PCCA: variants seen among roughly 807,000 people sequenced by gnomAD.
The protein encoded by PCCA is propionyl-CoA carboxylase subunit alpha.
In PCCA, 74 loss-of-function variants were observed where a neutral mutation model predicts 101.3. That is an observed-to-expected ratio of 0.73 (90% CI 0.61 to 0.89). The LOEUF is 0.89. Ranked by LOEUF, PCCA falls within the 40% of genes least tolerant of loss-of-function variation. The pLI is 0.00. For synonymous variants in PCCA, 294 were observed against 313.6 expected, an observed-to-expected ratio of 0.94 and a Z score of 0.66; for missense variants, 891 against 907.0, an observed-to-expected ratio of 0.98 and a Z score of 0.23.
At chr13:100,510,983 GT>G (rs1225510956) in intron 21 of PCCA, among the ~76,000 whole-genome samples, 1 of 152,222 alleles carries the variant, frequency 6.6e-6, no homozygotes, top group East Asian at 1.9e-4. Context: ...TCACTGTTGT[GT>G]CTTGGAGATT....
intron 21 of PCCA, among the ~76,000 whole-genome samples, chr13:100,474,690 C>T (rs911507965): frequency 6.6e-6 from 1 of 152,022 alleles, no homozygotes; most frequent in Non-Finnish European, 1.5e-5. Context: ...GATTTTACCA[C>T]GTTGCCCAGG....
intron 8 of PCCA, among the ~76,000 whole-genome samples, chr13:100,255,068 G>C (rs2061988623): frequency 6.6e-6 from 1 of 152,114 alleles, no homozygotes; most frequent in South Asian, 2.1e-4. Context: ...CTGGGTGACA[G>C]AGCGAGACCA....
intron 21 of PCCA, among the ~76,000 whole-genome samples, chr13:100,500,639 A>G (rs1378215053): frequency 1.3e-5 from 2 of 152,210 alleles, no homozygotes; most frequent in Non-Finnish European, 2.9e-5. Context: ...CAGAATATTA[A>G]GGTTACTTAC....
intron 18 of PCCA, among the ~76,000 whole-genome samples, chr13:100,340,588 A>G (rs2071153450): frequency 6.6e-6 from 1 of 152,240 alleles, no homozygotes; most frequent in Non-Finnish European, 1.5e-5. Context: ...CGTTTGGAGA[A>G]GTATATTTAA....
rs183425951 is a variant in PCCA at position 100,107,344 on chromosome 13, T to C, written c.183+4384T>C. On this transcript the variant is annotated intron_variant, in intron 2 of 23. Coordinates refer to ENST00000376285, the MANE Select transcript of PCCA (RefSeq NM_000282.4). ...TTGGATCAAGACCATTAAGTTTCAG[T>C]TGGCCTTAAGTTAGTGTGAGCCAGT... is the stretch of plus-strand genomic sequence containing the variant. 2.0e-5 allele frequency among the ~76,000 whole-genome samples: 3 copies of C among 152,304 alleles called. No individual in the cohort carries two copies. In the East Asian group the frequency reaches 5.8e-4, roughly 29 times the overall value.
At chr13:100,408,222 T>C (rs1294455588) in intron 19 of PCCA, among the ~76,000 whole-genome samples, 36 of 152,228 alleles carry the variant, frequency 2.4e-4, no homozygotes, top group Admixed American at 2.4e-3. Context: ...AAGGTTTGCC[T>C]TCTTAATTAA....
At chr13:100,324,704 T>C (rs906219927) in intron 16 of PCCA, among the ~76,000 whole-genome samples, 2 of 152,240 alleles carry the variant, frequency 1.3e-5, no homozygotes, top group South Asian at 4.1e-4. Flanking sequence ...TAAGATTCAC[T>C]GTAGTACATA....
chr13:100,415,654 T>A (rs2078314692), intron 19 of PCCA, among the ~76,000 whole-genome samples: 1 of 152,210 alleles, frequency 6.6e-6, no homozygotes, highest in South Asian at 2.1e-4. Context: ...ATTTTATATT[T>A]TCACTCTGCA....
rs7984311 is a variant in PCCA, at chr13:100,089,498, G to A, written c.105+273G>A. Reference sequence around the variant, plus strand: ...TGGGTGCCCGCACGCCCTCCGAGGCGGCTGATGGCTTTGGGCAGGCATATT... The same window carrying A: ...TGGGTGCCCGCACGCCCTCCGAGGCAGCTGATGGCTTTGGGCAGGCATATT... On this transcript the variant is annotated intron_variant, in intron 1 of 23. Transcript: ENST00000376285. Among the ~76,000 whole-genome samples the A allele has an allele frequency of 0.45, 68,023 of 152,168 alleles. 15,867 individuals are homozygous for A. Among genetic ancestry groups the A allele is most frequent in the East Asian group, 0.69 (3,549 of 5,174 alleles).
At chr13:100,302,383 A>G (rs1326085472) in intron 13 of PCCA, among the ~76,000 whole-genome samples, 2 of 151,966 alleles carry the variant, frequency 1.3e-5, no homozygotes, top group African/African-American at 2.4e-5. Flanking sequence ...CTTTTTTCAT[A>G]TTTTAAGTAG....
intron 4 of PCCA, among the ~76,000 whole-genome samples, chr13:100,146,356 C>CACGG (rs2052565292): frequency 6.6e-6 from 1 of 151,854 alleles, no homozygotes; most frequent in African/African-American, 2.4e-5. Flanking sequence ...GCAGACGGAT[C>CACGG]ACGGGGTCAG....
At chr13:100,196,178 GTTT>G (rs901213437) in intron 6 of PCCA, among the ~76,000 whole-genome samples, 6 of 152,058 alleles carry the variant, frequency 3.9e-5, no homozygotes, top group African/African-American at 1.4e-4. Flanking sequence ...TGTTGAAATG[GTTT>G]TTATTAAAGT....
intron 19 of PCCA, among the ~76,000 whole-genome samples, chr13:100,375,473 C>T (rs569319721): frequency 6.6e-6 from 1 of 152,248 alleles, no homozygotes; most frequent in East Asian, 1.9e-4. Context: ...TTGTTAAAAT[C>T]TCCCACTATT....
intron 4 of PCCA, among the ~76,000 whole-genome samples, chr13:100,131,785 C>T (rs1409052213): frequency 2.6e-5 from 4 of 152,170 alleles, no homozygotes; most frequent in Admixed American, 6.5e-5. Context: ...AGATGCTCCA[C>T]ATCTTTTGAA....
chr13:100,530,073 C>A, intron 23 of PCCA, 25 bp from the exon 24 acceptor site: 1 of 1,593,028 alleles, frequency 6.3e-7, no homozygotes, highest in Non-Finnish European at 8.6e-7. Context: ...ACTCTCCCCT[C>A]CCCCTGCATT....
chr13:100,215,917 G>T (rs111520465), intron 7 of PCCA, among the ~76,000 whole-genome samples: 3,156 of 152,232 alleles, frequency 0.021, 116 homozygotes, highest in African/African-American at 0.072. Flanking sequence ...GGGATTGCAG[G>T]TGTGAGCCAC....
chr13:100,426,013 GTT>G (rs1193319755), intron 20 of PCCA, among the ~76,000 whole-genome samples: 1 of 146,144 alleles, frequency 6.8e-6, no homozygotes, highest in Non-Finnish European at 1.5e-5. Context: ...TAGATTAGCT[GTT>G]TTTTTTTTTC....
intron 8 of PCCA, among the ~76,000 whole-genome samples, chr13:100,238,882 CA>C (rs1187448770): frequency 2.0e-5 from 3 of 152,150 alleles, no homozygotes; most frequent in Admixed American, 2.0e-4. Context: ...GATTTATAAT[CA>C]AACCTTTGAA....
chr13:100,370,027 A>C, intron 19 of PCCA, among the ~76,000 whole-genome samples: 1 of 147,222 alleles, frequency 6.8e-6, no homozygotes, highest in South Asian at 2.1e-4. Context: ...GTAGTGCCTT[A>C]CCTTAATAAA....
Sources: allele counts gnomAD v4.1 joint callset (sites outside exome capture counted in the v4.1 genomes callset), GRCh38; gene constraint gnomAD v4.1.1; transcripts MANE v1.5; gene names NCBI Gene and HGNC (gene_info 2026-07-23, HGNC 2026-07-21).